The following HEATR5A variants were observed in gnomAD, a reference collection of about 807,000 sequenced individuals.
HEATR5A encodes the protein HEAT repeat containing 5A.
A neutral mutation model predicts 218.8 loss-of-function variants in HEATR5A; 178 were observed. The ratio of observed to expected loss-of-function variants is 0.81; its 90% CI spans 0.72 to 0.92. The LOEUF is 0.92. HEATR5A is among the 40% of genes least tolerant of loss of function. The pLI is 0.00. For missense variants in HEATR5A, 2,420 were observed against 2,418.9 expected, an observed-to-expected ratio of 1.00 and a Z score of -0.01; for synonymous variants, 864 against 871.6, an observed-to-expected ratio of 0.99 and a Z score of 0.15.
intron 31 of HEATR5A, 108 bp from the exon 32 acceptor site, chr14:31,305,285 C>G (rs1899519981): frequency 1.3e-5 from 15 of 1,156,042 alleles, no homozygotes; most frequent in Non-Finnish European, 1.8e-5. Flanking sequence ...TTTTTTGAGA[C>G]AGAGTCTCGC....
chr14:31,382,834 A>G (rs960295898), intron 10 of HEATR5A, among the ~76,000 whole-genome samples: 2 of 150,584 alleles, frequency 1.3e-5, no homozygotes, highest in Non-Finnish European at 2.9e-5. Flanking sequence ...AAATCATGCC[A>G]TCTTTGATCA....
chr14:31,363,043 C>G (rs1901677817), intron 14 of HEATR5A, among the ~76,000 whole-genome samples: 1 of 151,762 alleles, frequency 6.6e-6, no homozygotes, highest in Admixed American at 6.6e-5. Flanking sequence ...TTGAGACCAG[C>G]CTGGCCAACA....
chr14:31,378,825 G>A (rs1409920848), intron 11 of HEATR5A, among the ~76,000 whole-genome samples: 1 of 150,596 alleles, frequency 6.6e-6, no homozygotes, highest in Non-Finnish European at 1.5e-5. Context: ...ACTACTTAAA[G>A]TAGTTCTTCA....
intron 11 of HEATR5A, among the ~76,000 whole-genome samples, chr14:31,379,532 G>A (rs2029898840): frequency 1.3e-5 from 2 of 152,190 alleles, no homozygotes; most frequent in African/African-American, 4.8e-5. Context: ...TTACAAGCGT[G>A]AGCCACCATG....
At chr14:31,310,881 A>G (rs1899724970) in intron 28 of HEATR5A, among the ~76,000 whole-genome samples, 1 of 152,036 alleles carries the variant, frequency 6.6e-6, no homozygotes, top group Non-Finnish European at 1.5e-5. Flanking sequence ...TGGCCACCAT[A>G]GTGTACACCA....
chr14:31,314,582 A>G (rs1899857722), intron 27 of HEATR5A, among the ~76,000 whole-genome samples: 2 of 151,876 alleles, frequency 1.3e-5, no homozygotes, highest in Admixed American at 1.3e-4. Flanking sequence ...AAAATTTTAT[A>G]TAGAGATGGG....
At chr14:31,296,278 A>C in intron 33 of HEATR5A, 1 of 440,260 alleles carries the variant, frequency 2.3e-6, no homozygotes, top group South Asian at 4.2e-5. Flanking sequence ...TTTAAAGGTT[A>C]AGACATCAGT....
intron 1 of HEATR5A, among the ~76,000 whole-genome samples, chr14:31,415,003 C>G (rs748933001): frequency 1.3e-5 from 2 of 152,128 alleles, no homozygotes; most frequent in African/African-American, 2.4e-5. Flanking sequence ...CCATGCCCAG[C>G]TAATTTTTGT....
intron 25 of HEATR5A, chr14:31,320,603 G>GGA: frequency 1.3e-6 from 1 of 745,168 alleles, no homozygotes; most frequent in Non-Finnish European, 2.4e-6. Context: ...GATCAGAGCT[G>GGA]GAGAAATGAG....
chr14:31,378,736 C>T (rs369595490), intron 11 of HEATR5A, among the ~76,000 whole-genome samples: 4 of 145,508 alleles, frequency 2.7e-5, no homozygotes, highest in Non-Finnish European at 6.0e-5. Context: ...TGCAGTGAGC[C>T]GAGATCGCGC....
In HEATR5A at chr14:31,347,745, C is replaced by T. The variant is rs1364355715; in HGVS notation, c.2868+3G>A. 3 of 1,585,402 alleles carry T rather than the reference C, an allele frequency of 1.9e-6. No individual in the cohort carries two copies. Among genetic ancestry groups the T allele is most frequent in the Non-Finnish European group, 1.7e-6 (2 of 1,168,638 alleles). On this transcript the variant is annotated splice_donor_region_variant and intron_variant, in intron 19 of 35. Coordinates refer to ENST00000543095, the MANE Select transcript of HEATR5A (RefSeq NM_015473.4). Reference sequence around the variant, plus strand: ...CAAGGGAAGTATCACATGAGGTACCCACCTGCACATCAGGAGAAGTGCTGT... The same window carrying T: ...CAAGGGAAGTATCACATGAGGTACCTACCTGCACATCAGGAGAAGTGCTGT...
intron 1 of HEATR5A, among the ~76,000 whole-genome samples, chr14:31,416,699 T>C (rs2031461135): frequency 6.6e-6 from 1 of 152,188 alleles, no homozygotes; most frequent in Admixed American, 6.5e-5. Context: ...GTGCTAACTT[T>C]CCATTTGGTT....
chr14:31,348,413 TA>T (rs200988626), intron 18 of HEATR5A, among the ~76,000 whole-genome samples: 23 of 147,420 alleles, frequency 1.6e-4, no homozygotes, highest in African/African-American at 2.2e-4. Flanking sequence ...CTGTCTCTAC[TA>T]AAAAAAAAAA....
chr14:31,344,363 C>T (rs1038205965), intron 20 of HEATR5A, among the ~76,000 whole-genome samples: 4 of 147,582 alleles, frequency 2.7e-5, no homozygotes, highest in South Asian at 2.1e-4. Context: ...CAGCAACCCC[C>T]GGCTTCCGGG....
At chr14:31,320,966 C>A (rs1900080245) in intron 25 of HEATR5A, among the ~76,000 whole-genome samples, 1 of 152,148 alleles carries the variant, frequency 6.6e-6, no homozygotes, top group Non-Finnish European at 1.5e-5. Context: ...AACACATGTA[C>A]TTTCTATATA....
intron 12 of HEATR5A, among the ~76,000 whole-genome samples, chr14:31,372,874 C>T (rs886139345): frequency 1.3e-5 from 2 of 151,660 alleles, no homozygotes; most frequent in South Asian, 2.1e-4. Context: ...TTCTCTCTTT[C>T]GCTCTCTCTC....
At chr14:31,317,211 A>G (rs1245508146) in intron 26 of HEATR5A, among the ~76,000 whole-genome samples, 1 of 152,042 alleles carries the variant, frequency 6.6e-6, no homozygotes, top group Non-Finnish European at 1.5e-5. Context: ...AGAACTGACT[A>G]AAATTAGTTT....
chr14:31,307,111 G>A (rs35341014), intron 30 of HEATR5A, among the ~76,000 whole-genome samples: 1 of 152,156 alleles, frequency 6.6e-6, no homozygotes, highest in Non-Finnish European at 1.5e-5. Context: ...GATTACTTGA[G>A]GCCAGGAGTT....
chr14:31,296,438 T>C (rs146033096), intron 33 of HEATR5A: 197 of 176,178 alleles, frequency 1.1e-3, no homozygotes, highest in Non-Finnish European at 2.0e-3. Context: ...AGTTAATCCA[T>C]GTGAAGCATT....
Sources: gnomAD v4.1 joint callset for allele counts (sites outside exome capture counted in the v4.1 genomes callset) on GRCh38, gnomAD v4.1.1 for gene constraint, MANE v1.5 for transcripts, NCBI Gene and HGNC (gene_info 2026-07-23, HGNC 2026-07-21) for gene names.